The following UGT1A6 variants were observed in gnomAD, a reference collection of about 807,000 sequenced individuals.
UGT1A6 encodes UDP-glucuronosyltransferase 1A6.
A neutral mutation model predicts 44.4 loss-of-function variants in UGT1A6; 32 were observed. That is an observed-to-expected ratio of 0.72 (90% CI 0.54 to 0.97). The LOEUF is 0.97. Ranked by LOEUF, UGT1A6 falls within the 50% of genes least tolerant of loss-of-function variation. The probability of loss-of-function intolerance (pLI) is 0.00; values close to 1 mark genes in which losing one functional copy is unlikely to be tolerated. For synonymous variants in UGT1A6, 238 were observed against 248.5 expected (o/e 0.96, Z 0.40); for missense variants, 685 against 661.9 (o/e 1.03, Z -0.38).
At chr2:233,746,880 G>A (rs561454270) in intron 1 of UGT1A6, among the ~76,000 whole-genome samples, 1 of 151,926 alleles carries the variant, frequency 6.6e-6, no homozygotes, top group South Asian at 2.1e-4. Flanking sequence ...GTGGTTAACA[G>A]AGAAGTAGGA....
chr2:233,704,631 A>G (rs1393550960), intron 1 of UGT1A6, among the ~76,000 whole-genome samples: 1 of 152,120 alleles, frequency 6.6e-6, no homozygotes, highest in Non-Finnish European at 1.5e-5. Flanking sequence ...TGTTATATTA[A>G]CCTTTTTGCT....
chr2:233,743,663 T>C, intron 1 of UGT1A6: 1 of 1,366,972 alleles, frequency 7.3e-7, no homozygotes, highest in Non-Finnish European at 9.8e-7. Flanking sequence ...CTCGAAGGGG[T>C]CCTCGAAGGG....
chr2:233,767,957 G>A (rs1699529946), intron 3 of UGT1A6, 21 bp downstream of exon 3: 6 of 1,614,186 alleles, frequency 3.7e-6, no homozygotes, highest in South Asian at 1.1e-5. Flanking sequence ...CGGATTGGAT[G>A]TATAGGTCAA....
intron 1 of UGT1A6, among the ~76,000 whole-genome samples, chr2:233,710,212 T>C (rs942743285): frequency 6.6e-6 from 1 of 152,260 alleles, no homozygotes; most frequent in African/African-American, 2.4e-5. Flanking sequence ...TTGGCTATTA[T>C]GAATAAAGCT....
At chr2:233,713,377 T>C (rs866828626) in intron 1 of UGT1A6, 3 of 1,614,038 alleles carry the variant, frequency 1.9e-6, no homozygotes, top group Middle Eastern at 1.6e-4. Context: ...AGGTCTTGTG[T>C]GGAGCTACTG....
chr2:233,771,791 C>T (rs868802241), intron 4 of UGT1A6, among the ~76,000 whole-genome samples: 2 of 146,520 alleles, frequency 1.4e-5, no homozygotes, highest in Middle Eastern at 6.9e-3. Flanking sequence ...TCTCTCCCTC[C>T]CTCCCTCCCT....
chr2:233,754,277 A>C (rs1263233014), intron 1 of UGT1A6: 4 of 191,024 alleles, frequency 2.1e-5, no homozygotes, highest in Admixed American at 1.6e-4. Flanking sequence ...AAGTGCTGAG[A>C]TGAACATTCT....
At chr2:233,706,117 G>A (rs1319655081) in intron 1 of UGT1A6, among the ~76,000 whole-genome samples, 1 of 151,994 alleles carries the variant, frequency 6.6e-6, no homozygotes, top group Non-Finnish European at 1.5e-5. Flanking sequence ...AGAATTTCAG[G>A]ACACTGACAG....
At chr2:233,697,172 T>C (rs1283360164) in intron 1 of UGT1A6, among the ~76,000 whole-genome samples, 1 of 152,110 alleles carries the variant, frequency 6.6e-6, no homozygotes, top group African/African-American at 2.4e-5. Context: ...CTTTTAAAAA[T>C]GGTTGGTAGA....
At chr2:233,750,281 G>C (rs1417802179) in intron 1 of UGT1A6, among the ~76,000 whole-genome samples, 1 of 151,952 alleles carries the variant, frequency 6.6e-6, no homozygotes, top group Non-Finnish European at 1.5e-5. Context: ...CAAAGAGACT[G>C]GTGGCATTTT....
In UGT1A6 at chr2:233,760,262, G is replaced by A. The variant is rs547805333; in HGVS notation, c.862-6772G>A. 2.2e-5 allele frequency: 35 copies of A among 1,611,676 alleles called. No individual in the cohort carries two copies. In the South Asian group the frequency reaches 3.4e-4, roughly 16 times the overall value. ...TATATATATATAAGTAGGAGAGGGC[G>A]AACCTCTGGCAGGAGCAAAGGCGCC... On this transcript the variant is annotated intron_variant, in intron 1 of 4. Transcript: ENST00000305139.
intron 1 of UGT1A6, chr2:233,730,086 CTTTCCAAATATTTCA>C: frequency 1.2e-6 from 2 of 1,600,798 alleles, no homozygotes; most frequent in Non-Finnish European, 1.7e-6. Flanking sequence ...ATTTACTTAT[CTTTCCAAATATTTCA>C]TTTCTGCTTC....
At chr2:233,719,159 T>A (rs28898610) in intron 1 of UGT1A6, 4 of 1,614,122 alleles carry the variant, frequency 2.5e-6, no homozygotes, top group Non-Finnish European at 3.4e-6. Context: ...ATTCTAGAAG[T>A]ATGGCAATTA....
chr2:233,721,906 A>G (rs994798913), intron 1 of UGT1A6: 14 of 450,550 alleles, frequency 3.1e-5, no homozygotes, highest in African/African-American at 2.6e-4. Context: ...GAAATGGTGC[A>G]CACTGCTTCC....
At chr2:233,761,090 T>A in intron 1 of UGT1A6, 1 of 1,614,218 alleles carries the variant, frequency 6.2e-7, no homozygotes, top group Admixed American at 1.7e-5. Flanking sequence ...CCTAGGCCCA[T>A]CATGCCCAAT....
At chr2:233,765,256 G>A (rs1698788052) in intron 1 of UGT1A6, among the ~76,000 whole-genome samples, 1 of 152,096 alleles carries the variant, frequency 6.6e-6, no homozygotes, top group African/African-American at 2.4e-5. Flanking sequence ...CCATTACTGG[G>A]TATATACCCA....
rs746090346 is a variant in UGT1A6, at chr2:233,743,531, A to T, written c.862-23503A>T. 6 of 1,367,280 alleles carry T rather than the reference A, an allele frequency of 4.4e-6. No individual in the cohort carries two copies. The highest frequency in any genetic ancestry group is 5.9e-6 in the Non-Finnish European group (6 of 1,021,864). 84.7% of individuals were successfully genotyped at this position (1,367,280 alleles called of 1,614,324 possible). A position where few individuals can be genotyped will look rare whatever the true frequency, so the allele number is the denominator to read the frequency against. Reference sequence around the variant, plus strand: ...GACGCTCTGCTTCTGCTTCCCCAGCAGTTCCTCTGACCCCCCCAAAATATT... The same window carrying T: ...GACGCTCTGCTTCTGCTTCCCCAGCTGTTCCTCTGACCCCCCCAAAATATT... On this transcript the variant is annotated intron_variant, in intron 1 of 4. Transcript: ENST00000305139.
Position 233,729,550 on chromosome 2 carries a change from A to C in UGT1A6, c.861+35685A>C, listed in dbSNP as rs780321158. On this transcript the variant is annotated intron_variant, in intron 1 of 4. Transcript: ENST00000305139. ...TAATGAGGCCCTGATCAGGCACCTG[A>C]ATGCTACTTCCTTTGATGTGGTTTT... 8 of 1,614,098 alleles carry C rather than the reference A, an allele frequency of 5.0e-6. No homozygotes were observed. Among genetic ancestry groups the C allele is most frequent in the African/African-American group, 1.3e-5 (1 of 75,014 alleles).
intron 1 of UGT1A6, among the ~76,000 whole-genome samples, chr2:233,710,566 G>T (rs1422927830): frequency 6.6e-6 from 1 of 152,066 alleles, no homozygotes; most frequent in Non-Finnish European, 1.5e-5. Context: ...CTTTTAAAAG[G>T]TGCCCTTTCA....
Sources: gnomAD v4.1 joint callset for allele counts (sites outside exome capture counted in the v4.1 genomes callset) on GRCh38, gnomAD v4.1.1 for gene constraint, MANE v1.5 for transcripts, NCBI Gene and HGNC (gene_info 2026-07-23, HGNC 2026-07-21) for gene names.